THSD4: variants seen among roughly 807,000 people sequenced by gnomAD.
The protein encoded by THSD4 is thrombospondin type-1 domain-containing protein 4.
THSD4 carries 69 observed loss-of-function variants against 119.0 expected under a neutral mutation model. The observed-to-expected ratio is 0.58, with a 90% confidence interval of 0.48 to 0.71. The LOEUF is 0.71. THSD4 is among the 30% of genes least tolerant of loss of function. The pLI is 0.00. For missense variants in THSD4, 1,393 were observed against 1,391.1 expected (o/e 1.00, Z -0.02); for synonymous variants, 524 against 540.4 (o/e 0.97, Z 0.42).
chr15:71,540,751 G>A (rs1339317603), intron 7 of THSD4, among the ~76,000 whole-genome samples: 7 of 115,284 alleles, frequency 6.1e-5, no homozygotes, highest in Non-Finnish European at 1.2e-4. Flanking sequence ...TTTTTTAAAC[G>A]AGTCTCTGTC....
chr15:71,185,746 T>C (rs1311048211), intron 3 of THSD4: 1 of 152,226 alleles, frequency 6.6e-6, no homozygotes, highest in Non-Finnish European at 1.5e-5. Context: ...ATTTATTCGT[T>C]GATTCAGATA....
chr15:71,297,367 G>T (rs967982075), intron 6 of THSD4, among the ~76,000 whole-genome samples: 2 of 148,032 alleles, frequency 1.4e-5, no homozygotes, highest in Non-Finnish European at 3.0e-5. Flanking sequence ...ACGGAATCTC[G>T]CTCTGTAACC....
chr15:71,486,834 C>G (rs530518104), intron 7 of THSD4, among the ~76,000 whole-genome samples: 1 of 152,138 alleles, frequency 6.6e-6, no homozygotes, highest in East Asian at 1.9e-4. Flanking sequence ...TGGAGCTAAC[C>G]CCCTGGCTCA....
rs896629866 is a variant in THSD4 at position 71,675,340 on chromosome 15, C to T, written c.1357+14606C>T. 2.6e-5 allele frequency among the ~76,000 whole-genome samples: 4 copies of T among 152,176 alleles called. No individual in the cohort carries two copies. In the East Asian group the frequency reaches 5.8e-4, roughly 22 times the overall value. ...TAGAACTCTGATCATCTCTCCAGCT[C>T]GGTACTTAAATATATTTTACTGTAG... On this transcript the variant is annotated intron_variant, in intron 8 of 17. Transcript: ENST00000261862.
intron 7 of THSD4, among the ~76,000 whole-genome samples, chr15:71,562,059 G>T (rs1026795194): frequency 5.9e-5 from 9 of 152,154 alleles, no homozygotes; most frequent in Non-Finnish European, 1.0e-4. Flanking sequence ...TGAGGATAAT[G>T]AATTTTTTGG....
At chr15:71,494,338 C>A (rs75384172) in intron 7 of THSD4, among the ~76,000 whole-genome samples, 1 of 152,024 alleles carries the variant, frequency 6.6e-6, no homozygotes, top group Non-Finnish European at 1.5e-5. Context: ...TTCTAACCCC[C>A]CTTCCAAGTT....
intron 7 of THSD4, among the ~76,000 whole-genome samples, chr15:71,445,167 TC>T (rs1345588609): frequency 6.6e-6 from 1 of 152,166 alleles, no homozygotes; most frequent in African/African-American, 2.4e-5. Flanking sequence ...CGGTGTCATT[TC>T]TTCTATAGTG....
intron 6 of THSD4, among the ~76,000 whole-genome samples, chr15:71,277,389 G>A (rs1260931310): frequency 6.6e-6 from 1 of 152,158 alleles, no homozygotes; most frequent in Non-Finnish European, 1.5e-5. Flanking sequence ...GCCTCCCAAA[G>A]TGCTGGGATT....
chr15:71,485,211 A>G (rs1324086288), intron 7 of THSD4, among the ~76,000 whole-genome samples: 1 of 152,136 alleles, frequency 6.6e-6, no homozygotes, highest in Non-Finnish European at 1.5e-5. Context: ...CTGTTCTGCC[A>G]TTATTCGTCT....
chr15:71,368,213 A>T (rs1009519596), intron 6 of THSD4, among the ~76,000 whole-genome samples: 238 of 151,676 alleles, frequency 1.6e-3, no homozygotes, highest in Non-Finnish European at 2.8e-3. Context: ...GATTGCAAAA[A>T]TTTTCTCCCA....
intron 7 of THSD4, among the ~76,000 whole-genome samples, chr15:71,488,844 C>T (rs1309837778): frequency 6.6e-6 from 1 of 152,156 alleles, no homozygotes; most frequent in Non-Finnish European, 1.5e-5. Context: ...CCTGCAAAAG[C>T]TTTTAGTTCT....
intron 4 of THSD4, among the ~76,000 whole-genome samples, chr15:71,219,473 C>T (rs1266386314): frequency 6.6e-6 from 1 of 152,222 alleles, no homozygotes; most frequent in Non-Finnish European, 1.5e-5. Context: ...GCCAAGTCCC[C>T]ACCATCTCCC....
At chr15:71,522,963 C>T (rs139715791) in intron 7 of THSD4, among the ~76,000 whole-genome samples, 127 of 152,272 alleles carry the variant, frequency 8.3e-4, no homozygotes, top group Admixed American at 1.8e-3. Context: ...GCCTCCCTTG[C>T]ACAACATCAA....
At chr15:71,475,145 T>C (rs774207029) in intron 7 of THSD4, among the ~76,000 whole-genome samples, 2 of 152,208 alleles carry the variant, frequency 1.3e-5, no homozygotes, top group Non-Finnish European at 2.9e-5. Context: ...ATAACTTTAC[T>C]AATAATCCCT....
chr15:71,646,305 A>G (rs138638395), intron 7 of THSD4, among the ~76,000 whole-genome samples: 19 of 152,312 alleles, frequency 1.2e-4, no homozygotes, highest in Non-Finnish European at 2.8e-4. Context: ...TATGGAACCT[A>G]AAGTCACCAG....
intron 6 of THSD4, among the ~76,000 whole-genome samples, chr15:71,291,073 T>TG (rs1325119977): frequency 6.6e-6 from 1 of 152,082 alleles, no homozygotes; most frequent in Non-Finnish European, 1.5e-5. Context: ...CCTTCTTGAC[T>TG]TCTTGTAAGG....
intron 7 of THSD4, among the ~76,000 whole-genome samples, chr15:71,432,053 G>C (rs1043968818): frequency 2.6e-5 from 4 of 151,978 alleles, no homozygotes; most frequent in South Asian, 2.1e-4. Context: ...TTAACATTAC[G>C]ATTATGACTG....
intron 7 of THSD4, among the ~76,000 whole-genome samples, chr15:71,437,655 G>T (rs548953593): frequency 6.6e-6 from 1 of 152,292 alleles, no homozygotes; most frequent in African/African-American, 2.4e-5. Flanking sequence ...ATTGGTTTCT[G>T]AGCCCCAGCA....
intron 7 of THSD4, among the ~76,000 whole-genome samples, chr15:71,572,693 T>G (rs532465477): frequency 6.6e-6 from 1 of 152,176 alleles, no homozygotes; most frequent in African/African-American, 2.4e-5. Flanking sequence ...CAGCATAATC[T>G]TAGGATTCTG....
Sources: allele counts gnomAD v4.1 joint callset (sites outside exome capture counted in the v4.1 genomes callset), GRCh38; gene constraint gnomAD v4.1.1; transcripts MANE v1.5; gene names NCBI Gene and HGNC (gene_info 2026-07-23, HGNC 2026-07-21).